CDK5RAP2: variants seen among roughly 807,000 people sequenced by gnomAD.
CDK5RAP2 encodes CDK5 regulatory subunit-associated protein 2.
In CDK5RAP2, 147 loss-of-function variants were observed where a neutral mutation model predicts 232.9. The ratio of observed to expected loss-of-function variants is 0.63; its 90% CI spans 0.55 to 0.72. The LOEUF is 0.72. Among genes scored for constraint, CDK5RAP2 ranks in the 30% least tolerant of loss-of-function variants. The pLI is 0.00. For synonymous variants in CDK5RAP2, 833 were observed against 833.7 expected (o/e 1.00, Z 0.01); for missense variants, 2,195 against 2,231.5 (o/e 0.98, Z 0.33).
intron 34 of CDK5RAP2, among the ~76,000 whole-genome samples, chr9:120,401,374 G>T (rs1252334807): frequency 6.6e-6 from 1 of 152,050 alleles, no homozygotes. Flanking sequence ...TTATGTATGT[G>T]ACTCAGAAAA....
intron 18 of CDK5RAP2, among the ~76,000 whole-genome samples, chr9:120,463,225 G>A (rs2037189539): frequency 1.3e-5 from 2 of 152,124 alleles, no homozygotes; most frequent in Non-Finnish European, 2.9e-5. Flanking sequence ...AAAAAAATTA[G>A]CTGGGCATGG....
intron 5 of CDK5RAP2, among the ~76,000 whole-genome samples, chr9:120,543,806 C>T (rs561685040): frequency 5.9e-5 from 9 of 152,246 alleles, no homozygotes; most frequent in South Asian, 2.1e-4. Flanking sequence ...TGCAGTGAGC[C>T]GAGATCATGC....
At position 120,439,951 on chromosome 9, in the gene CDK5RAP2, T is replaced by A. The variant is rs1182897841; in HGVS notation, c.3170A>T (p.Asp1057Val). The change falls in exon 24 of 38, where the codon GAT becomes GTT. Residue 1057 changes from aspartate (D) to valine (V), a missense_variant. By Grantham distance (152) the Asp-to-Val change is radical. Coordinates refer to ENST00000349780, the MANE Select transcript of CDK5RAP2 (RefSeq NM_018249.6). ...YEIDSEICPP[D>V]DLASLPSCKE... ...GCATGATGGCAAGCTGGCAAGGTCA[T>A]CAGGTGGGCAAATCTCAGAGTCTGA... The A allele has an allele frequency of 1.9e-6, 3 of 1,614,000 alleles. No homozygotes were observed. The highest frequency in any genetic ancestry group is 4.5e-5 in the East Asian group (2 of 44,890).
intron 26 of CDK5RAP2, among the ~76,000 whole-genome samples, chr9:120,422,416 A>G (rs1221537599): frequency 6.6e-6 from 1 of 152,218 alleles, no homozygotes; most frequent in African/African-American, 2.4e-5. Flanking sequence ...TTTATCTTGC[A>G]GGTATCTGGG....
intron 3 of CDK5RAP2, among the ~76,000 whole-genome samples, chr9:120,561,049 C>A (rs1030087536): frequency 2.0e-4 from 31 of 152,220 alleles, no homozygotes; most frequent in African/African-American, 5.5e-4. Flanking sequence ...AATTTTTTAA[C>A]CTTTTTGAAA....
intron 32 of CDK5RAP2, among the ~76,000 whole-genome samples, chr9:120,404,326 C>T (rs543612216): frequency 6.6e-6 from 1 of 152,224 alleles, no homozygotes; most frequent in Non-Finnish European, 1.5e-5. Context: ...CCTAGAAAAA[C>T]TCTCAGCAGA....
intron 2 of CDK5RAP2, 130 bp downstream of exon 2, chr9:120,571,844 T>C (rs555543414): frequency 8.2e-6 from 6 of 733,158 alleles, no homozygotes; most frequent in Non-Finnish European, 1.5e-5. Flanking sequence ...CAAAAAATAC[T>C]GAGCACCTAC....
In CDK5RAP2 at chr9:120,536,441, T is replaced by C; in HGVS notation, c.593A>G (p.Lys198Arg). 6.2e-7 allele frequency: 1 copy of C among 1,614,186 alleles called. No individual in the cohort carries two copies. The highest frequency in any genetic ancestry group is 2.2e-5 in the East Asian group (1 of 44,886). Residue 198 changes from lysine (K) to arginine (R), a missense_variant, in exon 7 of 38, where the codon AAG (lysine) becomes AGG (arginine). Coordinates refer to ENST00000349780, the MANE Select transcript of CDK5RAP2 (RefSeq NM_018249.6). ...EKALRLRLES[K>R]LSEMKKMHEG... ...GTGCATCTTCTTCATCTCTGAAAGC[T>C]TGCTTTCCAAACGCAACCGAAGAGC...
At position 120,422,836 on chromosome 9, in the gene CDK5RAP2, T is replaced by TCCA. The variant is rs2034651712; in HGVS notation, c.3956-98_3956-96dup. 5 of 885,562 alleles carry TCCA rather than the reference T, an allele frequency of 5.6e-6. No homozygotes were observed. The South Asian group carries it at 6.8e-5, about 12-fold the overall frequency. 54.9% of individuals were successfully genotyped at this position (885,562 alleles called of 1,614,324 possible). ...GCTCATACATTTGCAGAAGCACTAT[T>TCCA]CCACTTGTTTAAACACTCTGTAACA... On this transcript the variant is annotated intron_variant, in intron 25 of 37. Coordinates refer to ENST00000349780, the MANE Select transcript of CDK5RAP2 (RefSeq NM_018249.6).
In CDK5RAP2 at chr9:120,439,867, T is replaced by C. The variant is rs200947097; in HGVS notation, c.3254A>G (p.Lys1085Arg). 17 of 1,614,220 alleles carry C rather than the reference T, an allele frequency of 1.1e-5. No individual in the cohort carries two copies. The highest frequency in any genetic ancestry group is 1.4e-5 in the Non-Finnish European group (17 of 1,180,012). The change falls in exon 24 of 38, where the codon AAG becomes AGG. Residue 1085 changes from lysine to arginine, a missense_variant. By Grantham distance (26) the Lys-to-Arg change is conservative (BLOSUM62 2). Transcript: ENST00000349780. ...PTSVATYLSSKSQPSAKVSVM... is the reference protein window; with the variant it reads ...PTSVATYLSSRSQPSAKVSVM... ...ACTGACTTTAGCAGAAGGCTGACTC[T>C]TGGAACTCAGGTAAGTAGCTACTGA...
intron 8 of CDK5RAP2, 105 bp from the exon 9 acceptor site, chr9:120,528,902 C>T: frequency 1.2e-6 from 1 of 801,884 alleles, no homozygotes; most frequent in East Asian, 2.5e-5. Flanking sequence ...CCTTCCCCCA[C>T]TACTGTGGAA....
Position 120,552,525 on chromosome 9 carries a change from G to A in CDK5RAP2, c.196-1623C>T, listed in dbSNP as rs549569567. 8.5e-5 allele frequency among the ~76,000 whole-genome samples: 13 copies of A among 152,164 alleles called. No individual in the cohort carries two copies. The South Asian group carries it at 2.7e-3, about 32-fold the overall frequency. ...ATACTATGCAGCCATAAAAAAGGAT[G>A]AATTCATGTCCTTTGTAGGGACGTG... On this transcript the variant is annotated intron_variant, in intron 3 of 37. Transcript: ENST00000349780.
intron 3 of CDK5RAP2, among the ~76,000 whole-genome samples, chr9:120,554,677 A>G (rs866898785): frequency 6.6e-6 from 1 of 152,156 alleles, no homozygotes; most frequent in African/African-American, 2.4e-5. Context: ...TCTGTCACCC[A>G]GGCTGGAGTG....
At chr9:120,428,257 A>C (rs1430611095) in intron 25 of CDK5RAP2, among the ~76,000 whole-genome samples, 1 of 152,244 alleles carries the variant, frequency 6.6e-6, no homozygotes, top group Non-Finnish European at 1.5e-5. Context: ...AACTAAAATC[A>C]GAGAAGAACT....
At chr9:120,527,129 C>T (rs1412944225) in intron 10 of CDK5RAP2, among the ~76,000 whole-genome samples, 1 of 152,162 alleles carries the variant, frequency 6.6e-6, no homozygotes, top group African/African-American at 2.4e-5. Context: ...TGCATAGCTA[C>T]TAGGACACAA....
chr9:120,548,311 T>C (rs951850497), intron 4 of CDK5RAP2, among the ~76,000 whole-genome samples: 10 of 152,152 alleles, frequency 6.6e-5, no homozygotes, highest in African/African-American at 2.4e-4. Context: ...TGAACTGATA[T>C]AATATACTCT....
intron 25 of CDK5RAP2, among the ~76,000 whole-genome samples, chr9:120,424,210 T>C (rs1352430983): frequency 1.3e-5 from 2 of 152,262 alleles, no homozygotes; most frequent in Non-Finnish European, 2.9e-5. Context: ...CTTACTTTAC[T>C]ACATTTTATA....
intron 36 of CDK5RAP2, 147 bp from the exon 37 acceptor site, chr9:120,389,934 G>C (rs1272675644): frequency 5.5e-6 from 4 of 728,302 alleles, no homozygotes; most frequent in Non-Finnish European, 1.0e-5. Flanking sequence ...ACCAGAGGGA[G>C]GTACAAAGGG....
At chr9:120,538,208 T>C (rs560084150) in intron 6 of CDK5RAP2, among the ~76,000 whole-genome samples, 53 of 152,314 alleles carry the variant, frequency 3.5e-4, no homozygotes, top group Admixed American at 5.2e-4. Context: ...AGGGCTGATA[T>C]GAACATCATA....
Sources: allele counts gnomAD v4.1 joint callset (sites outside exome capture counted in the v4.1 genomes callset), GRCh38; gene constraint gnomAD v4.1.1; transcripts MANE v1.5; gene names NCBI Gene and HGNC (gene_info 2026-07-23, HGNC 2026-07-21).